Variants in APOBEC2 observed in about 807,000 individuals in gnomAD.
APOBEC2 encodes the protein C->U-editing enzyme APOBEC-2.
Under a neutral mutation model 19.4 loss-of-function variants are expected in APOBEC2, and 14 were observed. The observed-to-expected ratio is 0.72, with a 90% CI of 0.48 to 1.13. The LOEUF (loss-of-function observed/expected upper bound fraction) is 1.13. Among genes scored for constraint, APOBEC2 ranks in the 50% most tolerant of loss-of-function variants. The pLI, the probability that APOBEC2 is intolerant of heterozygous loss-of-function variation, is 0.00. For synonymous variants in APOBEC2, 127 were observed against 112.1 expected, an observed-to-expected ratio of 1.13 and a Z score of -0.84; for missense variants, 304 against 277.0, an observed-to-expected ratio of 1.10 and a Z score of -0.69.
chr6:41,063,534 C>CTTTT (rs34638825), intron 2 of APOBEC2, among the ~76,000 whole-genome samples: 17 of 85,368 alleles, frequency 2.0e-4, no homozygotes, highest in East Asian at 4.0e-4. Flanking sequence ...GTCCTTAGAG[C>CTTTT]TTTTTTTTTT....
At position 41,060,124 on chromosome 6, in the gene APOBEC2, C is replaced by G. The variant is rs1337690154; in HGVS notation, c.132-1204C>G. On this transcript the variant is annotated intron_variant, in intron 1 of 2. Transcript: ENST00000244669. ...CTTCAACTCTGATGTCTTCTCTGGC[C>G]CTTCTCTTTTTTCTTCTCCTTGTTA... Among the ~76,000 whole-genome samples the G allele has an allele frequency of 2.0e-5, 3 of 151,992 alleles. 1 individual carries two copies. Among genetic ancestry groups the G allele is most frequent in the African/African-American group, 7.2e-5 (3 of 41,380 alleles).
Position 41,061,851 on chromosome 6 carries a change from T to C in APOBEC2, c.655T>C (p.Leu219=), listed in dbSNP as rs368093639. ...QENFLYYEEK[L]ADILK is the part of the protein sequence containing the mutation. ...GAACTTCCTATACTACGAGGAGAAG[T>C]TGGCAGACATCCTGAAGTAGGGCAA... Residue 219 remains leucine, a synonymous_variant, in exon 2 of 3, where the codon TTG becomes CTG. Coordinates refer to ENST00000244669, the MANE Select transcript of APOBEC2 (RefSeq NM_006789.4). The C allele has an allele frequency of 6.2e-6, 10 of 1,613,514 alleles. No homozygotes were observed. The Admixed American group carries it at 8.3e-5, about 13-fold the overall frequency.
intron 1 of APOBEC2, 24 bp downstream of exon 1, chr6:41,053,502 G>T (rs1257839906): frequency 1.2e-6 from 2 of 1,613,834 alleles, no homozygotes; most frequent in Non-Finnish European, 1.7e-6. Flanking sequence ...GTGGGTCAGG[G>T]TTCTGCTCCC....
intron 2 of APOBEC2, among the ~76,000 whole-genome samples, chr6:41,062,439 C>T (rs1762888304): frequency 6.6e-6 from 1 of 152,216 alleles, no homozygotes; most frequent in Non-Finnish European, 1.5e-5. Flanking sequence ...TTAAGCCAGA[C>T]CTGCTTTCAT....
intron 2 of APOBEC2, among the ~76,000 whole-genome samples, 193 bp downstream of exon 2, chr6:41,062,085 A>G (rs1762885037): frequency 6.6e-6 from 1 of 152,198 alleles, no homozygotes; most frequent in Non-Finnish European, 1.5e-5. Flanking sequence ...TTTCCCTCCC[A>G]CACTTTTGTA....
intron 1 of APOBEC2, among the ~76,000 whole-genome samples, chr6:41,061,046 T>C (rs569724808): frequency 3.9e-5 from 6 of 152,294 alleles, no homozygotes; most frequent in Middle Eastern, 3.4e-3. Context: ...TAGGGGTATG[T>C]TGTGCTGGAA....
intron 1 of APOBEC2, among the ~76,000 whole-genome samples, chr6:41,056,783 T>C (rs1380735199): frequency 3.3e-5 from 5 of 152,162 alleles, no homozygotes; most frequent in Non-Finnish European, 7.4e-5. Context: ...TAAGAACCTT[T>C]TGGGTGGTTC....
chr6:41,053,202 C>G lies in APOBEC2; in HGVS notation c.-146C>G. The G allele has an allele frequency of 8.8e-7, 1 of 1,135,868 alleles. No individual in the cohort carries two copies. The highest frequency in any genetic ancestry group is 1.6e-5 in the South Asian group (1 of 63,002). 70.4% of individuals were successfully genotyped at this position (1,135,868 alleles called of 1,614,324 possible). ...AGCCTGTGGCTAAGTGGGGAAAGCA[C>G]GAAGCCTGGCCTGCTGGGTCCTTTT... On this transcript the variant is annotated 5_prime_UTR_variant, in exon 1 of 3. Transcript: ENST00000244669.
intron 1 of APOBEC2, among the ~76,000 whole-genome samples, chr6:41,058,623 T>C (rs1261074108): frequency 6.6e-6 from 1 of 152,200 alleles, no homozygotes. Flanking sequence ...TCTGTGAGTC[T>C]ACAAAATTGC....
At chr6:41,062,199 CACCTGCTACTGA>C (rs1581991578) in intron 2 of APOBEC2, among the ~76,000 whole-genome samples, 1 of 152,326 alleles carries the variant, frequency 6.6e-6, no homozygotes, top group East Asian at 1.9e-4. Context: ...ATGGTGCAAG[CACCTGCTACTGA>C]ACCACAGCAG....
chr6:41,057,563 T>C (rs976972324), intron 1 of APOBEC2, among the ~76,000 whole-genome samples: 1 of 152,158 alleles, frequency 6.6e-6, no homozygotes, highest in African/African-American at 2.4e-5. Context: ...CTCCTTGGTA[T>C]CCGCTTTGAA....
chr6:41,059,581 CAG>C (rs1762847005), intron 1 of APOBEC2, among the ~76,000 whole-genome samples: 6 of 152,156 alleles, frequency 3.9e-5, no homozygotes, highest in Admixed American at 3.9e-4. Context: ...ACTAGGGACA[CAG>C]GGGCTTAGAG....
intron 1 of APOBEC2, among the ~76,000 whole-genome samples, chr6:41,058,136 C>G (rs1481212713): frequency 2.7e-5 from 4 of 148,072 alleles, no homozygotes; most frequent in Admixed American, 1.3e-4. Context: ...CACCACCCAC[C>G]ACCACCACCC....
Position 41,055,563 on chromosome 6 carries a change from C to T in APOBEC2, c.131+2085C>T, listed in dbSNP as rs74853194. ...GGGGTCAGCAAAGCAGCTTTTCTAG[C>T]CTGGTCTCCTATAGGGAAGATCTTT... On this transcript the variant is annotated intron_variant, in intron 1 of 2. Transcript: ENST00000244669. Among the ~76,000 whole-genome samples, 588 of 152,278 alleles carry T rather than the reference C, an allele frequency of 3.9e-3. 11 individuals are homozygous for T. The South Asian group carries it at 0.061, about 16-fold the overall frequency.
chr6:41,063,505 C>T (rs1762905856), intron 2 of APOBEC2, among the ~76,000 whole-genome samples: 1 of 149,156 alleles, frequency 6.7e-6, no homozygotes, highest in African/African-American at 2.5e-5. Context: ...AGTCAAGGGC[C>T]CAGGTGCCTA....
chr6:41,061,564 T>C lies in APOBEC2; in HGVS notation c.368T>C (p.Val123Ala), dbSNP rs761671890. 4 of 1,614,224 alleles carry C rather than the reference T, an allele frequency of 2.5e-6. No homozygotes were observed. The highest frequency in any genetic ancestry group is 3.3e-4 in the Middle Eastern group (2 of 6,062). ...PALRYNVTWY[V>A]SSSPCAACAD... ...CTGCGGTACAATGTCACCTGGTATG[T>C]GTCCTCCAGCCCCTGTGCAGCGTGT... is the stretch of plus-strand genomic sequence containing the variant. Residue 123 changes from valine to alanine, a missense_variant, in exon 2 of 3, where the codon GTG becomes GCG. Coordinates refer to ENST00000244669, the MANE Select transcript of APOBEC2 (RefSeq NM_006789.4).
At chr6:41,053,510 C>T (rs1278789229) in intron 1 of APOBEC2, 32 bp downstream of exon 1, 1 of 1,613,194 alleles carries the variant, frequency 6.2e-7, no homozygotes, top group South Asian at 1.1e-5. Flanking sequence ...GGGTTCTGCT[C>T]CCTAGAAGAG....
At chr6:41,058,298 A>C (rs1295746616) in intron 1 of APOBEC2, among the ~76,000 whole-genome samples, 1 of 148,250 alleles carries the variant, frequency 6.7e-6, no homozygotes, top group Non-Finnish European at 1.5e-5. Flanking sequence ...ACACACACAC[A>C]CACACACACA....
chr6:41,058,427 TCACA>T (rs1046492735), intron 1 of APOBEC2, among the ~76,000 whole-genome samples: 8 of 114,408 alleles, frequency 7.0e-5, no homozygotes, highest in East Asian at 2.5e-4. Flanking sequence ...ACACACACAC[TCACA>T]CACACACACA....
Sources: allele counts gnomAD v4.1 joint callset (sites outside exome capture counted in the v4.1 genomes callset), GRCh38; gene constraint gnomAD v4.1.1; transcripts MANE v1.5; gene names NCBI Gene and HGNC (gene_info 2026-07-23, HGNC 2026-07-21).